ZNF268: variants seen among roughly 807,000 people sequenced by gnomAD.
ZNF268 encodes the protein zinc finger protein 268, also known as zinc finger protein 3.
In ZNF268, 20 loss-of-function variants were observed where a neutral mutation model predicts 29.3. That is an observed-to-expected ratio of 0.68 (90% CI 0.48 to 0.99). ZNF268 has a LOEUF of 0.99. Among genes scored for constraint, ZNF268 ranks in the 50% least tolerant of loss-of-function variants. ZNF268 has a pLI of 0.00. For missense variants in ZNF268, 1,240 were observed against 1,121.6 expected (o/e 1.11, Z -1.51); for synonymous variants, 429 against 376.9 (o/e 1.14, Z -1.60).
At chr12:133,194,012 A>C (rs1381529240) in intron 5 of ZNF268, among the ~76,000 whole-genome samples, 1 of 152,112 alleles carries the variant, frequency 6.6e-6, no homozygotes, top group African/African-American at 2.4e-5. Flanking sequence ...ATTTTGGTAC[A>C]GTGTTGTTAG....
Position 133,212,183 on chromosome 12 carries a change from T to C in ZNF268, c.*7653T>C, listed in dbSNP as rs1400797817. 1 of 152,048 alleles carries C rather than the reference T, an allele frequency of 6.6e-6. No individual in the cohort carries two copies. The highest frequency in any genetic ancestry group is 1.5e-5 in the Non-Finnish European group (1 of 68,006). The allele number at this position is 152,048 out of a possible 1,614,324, so 9.4% of individuals were successfully genotyped here. ...AGAAACTACAGGGGTAGCAAACATATCTGTGATTGATGACGGTTTGTAGAG... is the reference window on the plus strand; with the variant it reads ...AGAAACTACAGGGGTAGCAAACATACCTGTGATTGATGACGGTTTGTAGAG... On this transcript the variant is annotated 3_prime_UTR_variant, in exon 6 of 6. Transcript: ENST00000536435.
At chr12:133,200,202 T>C (rs1485304043) in intron 5 of ZNF268, among the ~76,000 whole-genome samples, 1 of 152,198 alleles carries the variant, frequency 6.6e-6, no homozygotes, top group African/African-American at 2.4e-5. Context: ...GCTTTGAATG[T>C]GTCCCAGAGA....
In ZNF268 at chr12:133,181,978, A is replaced by G; in HGVS notation, c.-20A>G. 6.4e-7 allele frequency: 1 copy of G among 1,562,074 alleles called. No homozygotes were observed. On this transcript the variant is annotated 5_prime_UTR_variant, in exon 2 of 6. Coordinates refer to ENST00000536435, the MANE Select transcript of ZNF268 (RefSeq NM_003415.3). ...CGCGTCCTGTCACTTCCAGCGAGGC[A>G]CACAAAACTGACCGTAGGGATGGCC...
At position 133,204,274 on chromosome 12, in the gene ZNF268, C is replaced by T; in HGVS notation, c.2588C>T (p.Pro863Leu). The T allele has an allele frequency of 2.6e-6, 4 of 1,551,288 alleles. No homozygotes were observed. In the African/African-American group the frequency reaches 4.1e-5, roughly 16 times the overall value. The change falls in exon 6 of 6, where the codon CCA becomes CTA. Residue 863 changes from proline to leucine, a missense_variant. Around this residue, in one of 3 missense-constraint regions of ZNF268, gnomAD observed 1,177 missense variants for 1,039.6 expected, o/e 1.13. Coordinates refer to ENST00000536435, the MANE Select transcript of ZNF268 (RefSeq NM_003415.3). Reference sequence around the variant, plus strand: ...CAGAGAATGCACACAAGAGAGAAACCATATGAATGCAGTGAGTGTGGAAAA... The same window carrying T: ...CAGAGAATGCACACAAGAGAGAAACTATATGAATGCAGTGAGTGTGGAAAA... ...VHQRMHTREK[P>L]YECSECGKAF...
rs1956894864 is a variant in ZNF268 at position 133,206,162 on chromosome 12, A to C, written c.*1632A>C. The C allele has an allele frequency of 6.6e-6, 1 of 152,224 alleles. No homozygotes were observed. The highest frequency in any genetic ancestry group is 1.5e-5 in the Non-Finnish European group (1 of 68,038). 9.4% of individuals were successfully genotyped at this position (152,224 alleles called of 1,614,324 possible). A position where few individuals can be genotyped will look rare whatever the true frequency, so the allele number is the denominator to read the frequency against. On this transcript the variant is annotated 3_prime_UTR_variant, in exon 6 of 6. Transcript: ENST00000536435. Reference sequence around the variant, plus strand: ...AATGGGTGGTAGAGGAGTAGGCAGAAACTTGCAAGGATATGTGGATATTTG... The same window carrying C: ...AATGGGTGGTAGAGGAGTAGGCAGACACTTGCAAGGATATGTGGATATTTG...
intron 3 of ZNF268, among the ~76,000 whole-genome samples, chr12:133,189,340 G>A (rs941815810): frequency 4.0e-5 from 6 of 150,522 alleles, no homozygotes; most frequent in Non-Finnish European, 5.9e-5. Flanking sequence ...TCAGCCTCCC[G>A]AGTAGCTGGG....
At position 133,212,536 on chromosome 12, in the gene ZNF268, TATATATACAC is replaced by T. The variant is rs1566396952; in HGVS notation, c.*8012_*8021del. On this transcript the variant is annotated 3_prime_UTR_variant, in exon 6 of 6. Coordinates refer to ENST00000536435, the MANE Select transcript of ZNF268 (RefSeq NM_003415.3). ...ACACACATACACACATATATACACATATATATACACATATACACATATATATACACATATA... is the reference window on the plus strand; with the variant it reads ...ACACACATACACACATATATACACATATATACACATATATATACACATATA... 16 of 143,994 alleles carry T rather than the reference TATATATACAC, an allele frequency of 1.1e-4. No individual in the cohort carries two copies. In the East Asian group the frequency reaches 2.9e-3, roughly 26 times the overall value. The allele number at this position is 143,994 out of a possible 1,614,324, so 8.9% of individuals were successfully genotyped here.
At chr12:133,195,537 T>G (rs1336244695) in intron 5 of ZNF268, among the ~76,000 whole-genome samples, 1 of 152,046 alleles carries the variant, frequency 6.6e-6, no homozygotes, top group Non-Finnish European at 1.5e-5. Context: ...AGACCCCAGC[T>G]TTACCAAAAA....
At position 133,203,538 on chromosome 12, in the gene ZNF268, C is replaced by G; in HGVS notation, c.1852C>G (p.Gln618Glu). 1 of 1,550,808 alleles carries G rather than the reference C, an allele frequency of 6.4e-7. No homozygotes were observed. Among genetic ancestry groups the G allele is most frequent in the Middle Eastern group, 1.7e-4 (1 of 6,008 alleles). The change falls in exon 6 of 6, where the codon CAG (glutamine) becomes GAG (glutamate). Residue 618 changes from glutamine to glutamate, a missense_variant. Transcript: ENST00000536435. ...GEKPFECSEC[Q>E]KAFNTKSNLI... is the part of the protein sequence containing the mutation. ...GAAACCATTTGAATGTAGTGAGTGT[C>G]AGAAAGCCTTTAATACAAAGTCAAA...
At position 133,206,704 on chromosome 12, in the gene ZNF268, C is replaced by A. The variant is rs1339997671; in HGVS notation, c.*2174C>A. The A allele has an allele frequency of 6.6e-6, 1 of 152,152 alleles. No individual in the cohort carries two copies. Among genetic ancestry groups the A allele is most frequent in the Non-Finnish European group, 1.5e-5 (1 of 68,026 alleles). 9.4% of individuals were successfully genotyped at this position (152,152 alleles called of 1,614,324 possible). ...CTTGAAGCGGAGGAATTTAATGATA[C>A]CTGAATGCCTAACTGTTGTATTCTG... On this transcript the variant is annotated 3_prime_UTR_variant, in exon 6 of 6. Transcript: ENST00000536435.
At position 133,203,445 on chromosome 12, in the gene ZNF268, A is replaced by AC; in HGVS notation, c.1761dup (p.Asp588ArgfsTer26). 1 of 1,542,650 alleles carries AC rather than the reference A, an allele frequency of 6.5e-7. No homozygotes were observed. The highest frequency in any genetic ancestry group is 1.2e-5 in the South Asian group (1 of 84,328). On this transcript the variant is annotated frameshift_variant, in exon 6 of 6. Coordinates refer to ENST00000536435, the MANE Select transcript of ZNF268 (RefSeq NM_003415.3). LOFTEE classifies it low-confidence loss of function (END_TRUNC). ...TGCAGGAGAGAAGCCTTATGAATGC[A>AC]CCGACTGTGGAAAGGCTTTTGGTTT...
intron 5 of ZNF268, among the ~76,000 whole-genome samples, chr12:133,197,042 T>A (rs970581208): frequency 2.0e-4 from 27 of 138,276 alleles, no homozygotes; most frequent in East Asian, 1.2e-3. Flanking sequence ...TTTTTTTTTT[T>A]AAATATTATT....
intron 5 of ZNF268, among the ~76,000 whole-genome samples, chr12:133,201,274 T>C (rs1956746787): frequency 6.6e-6 from 1 of 152,146 alleles, no homozygotes; most frequent in South Asian, 2.1e-4. Flanking sequence ...GACTGCTAAG[T>C]TTTTCTGACT....
rs1032138653 is a variant in ZNF268 at position 133,206,428 on chromosome 12, G to A, written c.*1898G>A. On this transcript the variant is annotated 3_prime_UTR_variant, in exon 6 of 6. Coordinates refer to ENST00000536435, the MANE Select transcript of ZNF268 (RefSeq NM_003415.3). ...AACTTCAATTTAAGATTATGTGTCAGTGATACTACTTAGTTACATGTAGCT... is the reference window on the plus strand; with the variant it reads ...AACTTCAATTTAAGATTATGTGTCAATGATACTACTTAGTTACATGTAGCT... 3.3e-5 allele frequency: 5 copies of A among 152,188 alleles called. No individual in the cohort carries two copies. Among genetic ancestry groups the A allele is most frequent in the African/African-American group, 9.7e-5 (4 of 41,446 alleles). 9.4% of individuals were successfully genotyped at this position (152,188 alleles called of 1,614,324 possible). A position where few individuals can be genotyped will look rare whatever the true frequency, so the allele number is the denominator to read the frequency against.
intron 2 of ZNF268, among the ~76,000 whole-genome samples, chr12:133,185,520 A>AGTGAGAGAGAGGAGAGCAG (rs1956291171): frequency 7.6e-6 from 1 of 131,012 alleles, no homozygotes; most frequent in Non-Finnish European, 1.7e-5. Flanking sequence ...CAGATCAGGT[A>AGTGAGAGAGAGGAGAGCAG]ACCTGGAAGG....
chr12:133,182,092 C>G (rs748586178), intron 2 of ZNF268, 62 bp downstream of exon 2: 755 of 1,498,918 alleles, frequency 5.0e-4, no homozygotes, highest in Non-Finnish European at 5.0e-4. Context: ...TGTGCGCACT[C>G]CATCTACTCC....
intron 5 of ZNF268, 103 bp from the exon 6 acceptor site, chr12:133,202,041 G>A: frequency 1.0e-6 from 1 of 966,172 alleles, no homozygotes; most frequent in Non-Finnish European, 1.5e-6. Context: ...CCACAATCAT[G>A]TGATTTATAA....
At position 133,207,824 on chromosome 12, in the gene ZNF268, T is replaced by C. The variant is rs550039941; in HGVS notation, c.*3294T>C. On this transcript the variant is annotated 3_prime_UTR_variant, in exon 6 of 6. Transcript: ENST00000536435. ...CCCTGTCTCAAAAAACAGAAGAGTA[T>C]GTTTGGAAGATTTAATATTAGAAAA... The C allele has an allele frequency of 1.3e-5, 2 of 152,032 alleles. No homozygotes were observed. The highest frequency in any genetic ancestry group is 2.9e-5 in the Non-Finnish European group (2 of 68,022). The allele number at this position is 152,032 out of a possible 1,614,324, so 9.4% of individuals were successfully genotyped here.
At position 133,208,944 on chromosome 12, in the gene ZNF268, C is replaced by CTTT. The variant is rs1349365619; in HGVS notation, c.*4414_*4415insTTT. Reference sequence around the variant, plus strand: ...AGCTCCTTATATGGCATAGTATTTGCATTTTTTTTTTTTTTTTTGAGATGG... The same window carrying CTTT: ...AGCTCCTTATATGGCATAGTATTTGCTTTATTTTTTTTTTTTTTTTTGAGATGG... On this transcript the variant is annotated 3_prime_UTR_variant, in exon 6 of 6. Transcript: ENST00000536435. 2.8e-5 allele frequency: 3 copies of CTTT among 107,094 alleles called. No individual in the cohort carries two copies. The highest frequency in any genetic ancestry group is 3.8e-5 in the African/African-American group (1 of 26,190). The allele number at this position is 107,094 out of a possible 1,614,324, so 6.6% of individuals were successfully genotyped here. A position where few individuals can be genotyped will look rare whatever the true frequency, so the allele number is the denominator to read the frequency against.
Sources: gnomAD v4.1 joint callset for allele counts (sites outside exome capture counted in the v4.1 genomes callset) on GRCh38, gnomAD v4.1.1 for gene constraint, gnomAD v4.1.1 regional missense constraint, MANE v1.5 for transcripts, NCBI Gene and HGNC (gene_info 2026-07-23, HGNC 2026-07-21) for gene names.